EPHA2: variants seen among roughly 807,000 people sequenced by gnomAD.
The protein encoded by EPHA2 is ephrin type-A receptor 2.
Under a neutral mutation model 104.9 loss-of-function variants are expected in EPHA2, and 54 were observed. The ratio of observed to expected loss-of-function variants is 0.51; its 90% CI spans 0.41 to 0.65. EPHA2 has a LOEUF of 0.65. Ranked by LOEUF, EPHA2 falls within the 30% of genes least tolerant of loss-of-function variation. The pLI is 0.00. For synonymous variants in EPHA2, 560 were observed against 559.1 expected (o/e 1.00, Z -0.02); for missense variants, 1,117 against 1,369.5 (o/e 0.82, Z 2.91).
intron 8 of EPHA2, 21 bp from the exon 9 acceptor site, chr1:16,133,936 A>G: frequency 6.4e-7 from 1 of 1,550,570 alleles, no homozygotes; most frequent in Non-Finnish European, 8.7e-7. Flanking sequence ...CCCACGGGGA[A>G]CCAAATGCAG....
chr1:16,152,865 A>C (rs1276907041), intron 1 of EPHA2, among the ~76,000 whole-genome samples: 1 of 152,166 alleles, frequency 6.6e-6, no homozygotes, highest in African/African-American at 2.4e-5. Flanking sequence ...CCCCCCCTGC[A>C]GGGGTTTCCA....
chr1:16,149,818 T>C (rs1346646990), intron 2 of EPHA2, among the ~76,000 whole-genome samples: 2 of 152,052 alleles, frequency 1.3e-5, no homozygotes, highest in South Asian at 2.1e-4. Context: ...TCAGCCAGAG[T>C]CTGCATCTAA....
Position 16,125,328 on chromosome 1 carries a change from C to T in EPHA2, c.2826-8G>A, listed in dbSNP as rs1243829839. 1.5e-6 allele frequency: 2 copies of T among 1,353,718 alleles called. No individual in the cohort carries two copies. Among genetic ancestry groups the T allele is most frequent in the Non-Finnish European group, 9.8e-7 (1 of 1,016,642 alleles). 83.9% of individuals were successfully genotyped at this position (1,353,718 alleles called of 1,614,324 possible). A position where few individuals can be genotyped will look rare whatever the true frequency, so the allele number is the denominator to read the frequency against. On this transcript the variant is annotated splice_polypyrimidine_tract_variant and splice_region_variant and intron_variant, in intron 16 of 16. Coordinates refer to ENST00000358432, the MANE Select transcript of EPHA2 (RefSeq NM_004431.5). The surrounding 1 kb of genome is among the most constrained non-coding windows in gnomAD (Gnocchi z 4.9). ...CCAATCCTCTTGATGTCGCTGTGGGCCGGGAGGGAGAGAGGGAGAGTTAGG... is the reference window on the plus strand; with the variant it reads ...CCAATCCTCTTGATGTCGCTGTGGGTCGGGAGGGAGAGAGGGAGAGTTAGG...
chr1:16,154,778 A>AG (rs1199319576), intron 1 of EPHA2, among the ~76,000 whole-genome samples: 1 of 150,934 alleles, frequency 6.6e-6, no homozygotes. Context: ...AAAAAAAAAA[A>AG]AAGAAGGAAA....
chr1:16,142,372 T>C (rs11260758), intron 3 of EPHA2, among the ~76,000 whole-genome samples: 1 of 152,202 alleles, frequency 6.6e-6, no homozygotes, highest in Non-Finnish European at 1.5e-5. Flanking sequence ...TATTCCTGCA[T>C]GTATCAGGAG....
rs1228041328 is a variant in EPHA2 at position 16,155,838 on chromosome 1, G to A, written c.85+10C>T. The A allele has an allele frequency of 5.6e-6, 8 of 1,429,210 alleles. No homozygotes were observed. The highest frequency in any genetic ancestry group is 7.3e-6 in the Non-Finnish European group (8 of 1,095,604). 88.5% of individuals were successfully genotyped at this position (1,429,210 alleles called of 1,614,324 possible). ...CGGGGGCCAGGGGTCCAGACGCCGC[G>A]CGCACTCACCTTCCTTGCCCTGCGC... On this transcript the variant is annotated intron_variant, in intron 1 of 16. Transcript: ENST00000358432.
At position 16,133,624 on chromosome 1, in the gene EPHA2, G is replaced by A. The variant is rs1199532654; in HGVS notation, c.1739-18C>T. ...CAGTTGTTCTGGAAGGAGAAGGGGT[G>A]GGGTCACAGGCAGCTCAGGAGGGGC... is the stretch of plus-strand genomic sequence containing the variant. On this transcript the variant is annotated intron_variant, in intron 9 of 16. Transcript: ENST00000358432. 10 of 1,613,476 alleles carry A rather than the reference G, an allele frequency of 6.2e-6. No individual in the cohort carries two copies. The highest frequency in any genetic ancestry group is 8.5e-6 in the Non-Finnish European group (10 of 1,179,956).
Position 16,148,850 on chromosome 1 carries a change from C to T in EPHA2, c.351G>A (p.Glu117=), listed in dbSNP as rs1432909547. 1 of 1,614,178 alleles carries T rather than the reference C, an allele frequency of 6.2e-7. No homozygotes were observed. Among genetic ancestry groups the T allele is most frequent in the Admixed American group, 1.7e-5 (1 of 60,030 alleles). The change falls in exon 3 of 17, where the codon GAG becomes GAA. Residue 117 remains glutamate, a synonymous_variant. Coordinates refer to ENST00000358432, the MANE Select transcript of EPHA2 (RefSeq NM_004431.5). The surrounding 1 kb of genome is among the most constrained non-coding windows in gnomAD (Gnocchi z 4.9). ...ACTCGGCATAGTAGAGGTTGAAAGT[C>T]TCCTTGCAGGAGCTGGCGCCACCAG... The part of the protein sequence containing the change: ...SFPGGASSCK[E]TFNLYYAESD...
rs1309020202 is a variant in EPHA2, at chr1:16,138,003, G to C, written c.1162C>G (p.Pro388Ala). Residue 388 changes from proline to alanine, a missense_variant, in exon 5 of 17, where the codon CCT (proline) becomes GCT (alanine). Pro to Ala is a conservative substitution (Grantham distance 27). Around this residue, in one of 3 missense-constraint regions of EPHA2, gnomAD observed 664 missense variants for 784.8 expected, o/e 0.85. Coordinates refer to ENST00000358432, the MANE Select transcript of EPHA2 (RefSeq NM_004431.5). ...PCEASVRYSE[P>A]PHGLTRTSVT... Reference sequence around the variant, plus strand: ...CTGGTGCGGGTCAGTCCGTGAGGAGGCTCCGAGTAGCGCACACTGGCCTCA... The same window carrying C: ...CTGGTGCGGGTCAGTCCGTGAGGAGCCTCCGAGTAGCGCACACTGGCCTCA... The C allele has an allele frequency of 6.2e-7, 1 of 1,613,806 alleles. No individual in the cohort carries two copies. Among genetic ancestry groups the C allele is most frequent in the Non-Finnish European group, 8.5e-7 (1 of 1,180,016 alleles).
intron 10 of EPHA2, 41 bp downstream of exon 10, chr1:16,133,440 C>G (rs190333807): frequency 1.9e-6 from 3 of 1,613,902 alleles, no homozygotes; most frequent in Non-Finnish European, 2.5e-6. Flanking sequence ...GTGTCACCAC[C>G]GCTGCCTCCT....
At chr1:16,155,706 C>T (rs576602754) in intron 1 of EPHA2, 142 bp downstream of exon 1, 3 of 624,016 alleles carry the variant, frequency 4.8e-6, no homozygotes, top group African/African-American at 3.9e-5. Flanking sequence ...GCCTCGATCG[C>T]AGCCCGTGCG....
At position 16,150,730 on chromosome 1, in the gene EPHA2, G is replaced by A. The variant is rs1026849291; in HGVS notation, c.153+166C>T. Among the ~76,000 whole-genome samples, 7 of 152,150 alleles carry A rather than the reference G, an allele frequency of 4.6e-5. No homozygotes were observed. Among genetic ancestry groups the A allele is most frequent in the East Asian group, 1.9e-4 (1 of 5,188 alleles). Reference sequence around the variant, plus strand: ...CGCCCATCCAGCCCTGGCCTGGGCCGGCTGACTCTGAGCCTGGTGTGAGAA... The same window carrying A: ...CGCCCATCCAGCCCTGGCCTGGGCCAGCTGACTCTGAGCCTGGTGTGAGAA... On this transcript the variant is annotated intron_variant, in intron 2 of 16. Coordinates refer to ENST00000358432, the MANE Select transcript of EPHA2 (RefSeq NM_004431.5). The surrounding 1 kb of genome is among the most constrained non-coding windows in gnomAD (Gnocchi z 4.8).
chr1:16,152,338 T>C (rs1453950391), intron 1 of EPHA2, among the ~76,000 whole-genome samples: 1 of 152,166 alleles, frequency 6.6e-6, no homozygotes, highest in East Asian at 1.9e-4. Context: ...ATGGCCCTCC[T>C]ACCTGGGCTG....
intron 1 of EPHA2, among the ~76,000 whole-genome samples, chr1:16,154,562 T>C (rs1386981149): frequency 1.3e-5 from 2 of 151,796 alleles, no homozygotes; most frequent in African/African-American, 2.4e-5. Flanking sequence ...AGAATCAGCC[T>C]GGCCAACATG....
At position 16,128,550 on chromosome 1, in the gene EPHA2, CTGT is replaced by C. The variant is rs2024510723; in HGVS notation, c.2825+881_2825+883del. 6.6e-6 allele frequency among the ~76,000 whole-genome samples: 1 copy of C among 152,230 alleles called. No individual in the cohort carries two copies. The highest frequency in any genetic ancestry group is 2.4e-5 in the African/African-American group (1 of 41,462). On this transcript the variant is annotated intron_variant, in intron 16 of 16. Coordinates refer to ENST00000358432, the MANE Select transcript of EPHA2 (RefSeq NM_004431.5). This position sits in a 1 kb window ranked among gnomAD's most constrained non-coding sequence, Gnocchi z 4.7. ...TCCCAAAACCTCCCAGCCTCCCGGTCTGTTCCCGCCATGATCTTTGACCATGCA... is the reference window on the plus strand; with the variant it reads ...TCCCAAAACCTCCCAGCCTCCCGGTCTCCCGCCATGATCTTTGACCATGCA...
At chr1:16,152,146 C>T (rs1332243039) in intron 1 of EPHA2, among the ~76,000 whole-genome samples, 8 of 152,210 alleles carry the variant, frequency 5.3e-5, no homozygotes, top group Non-Finnish European at 8.8e-5. Context: ...CAAGTCAATG[C>T]TTCCTTTGGG....
At chr1:16,140,042 G>A (rs1274034335) in intron 3 of EPHA2, among the ~76,000 whole-genome samples, 1 of 152,236 alleles carries the variant, frequency 6.6e-6, no homozygotes, top group Non-Finnish European at 1.5e-5. Flanking sequence ...CTGGAGCGAA[G>A]ACTCTCGTCA....
chr1:16,138,047 G>A lies in EPHA2; in HGVS notation c.1118C>T (p.Ser373Phe), dbSNP rs758978165. ...SVTCEQCWPE[S>F]GECGPCEASV... ...GGCCTCACACGGCCCGCATTCCCCA[G>A]ACTCGGGCCAGCACTGTTCGCAGGT... Residue 373 changes from serine (S) to phenylalanine (F), a missense_variant, in exon 5 of 17, where the codon TCT (serine) becomes TTT (phenylalanine). Physicochemically the swap from Ser to Phe is radical, Grantham distance 155 (BLOSUM62 -2). Coordinates refer to ENST00000358432, the MANE Select transcript of EPHA2 (RefSeq NM_004431.5). 3.8e-5 allele frequency: 62 copies of A among 1,613,196 alleles called. No homozygotes were observed. Among genetic ancestry groups the A allele is most frequent in the Non-Finnish European group, 5.3e-5 (62 of 1,179,960 alleles).
In EPHA2 at chr1:16,128,213, G is replaced by A. The variant is rs1159515874; in HGVS notation, c.2825+1221C>T. ...CAAGGTCACCCGCTAGGAAGTGGCA[G>A]ATGCGGGACTTGAACCCAGGTATGT... On this transcript the variant is annotated intron_variant, in intron 16 of 16. Transcript: ENST00000358432. This position sits in a 1 kb window ranked among gnomAD's most constrained non-coding sequence, Gnocchi z 4.7. 6.6e-6 allele frequency among the ~76,000 whole-genome samples: 1 copy of A among 152,228 alleles called. No individual in the cohort carries two copies. The highest frequency in any genetic ancestry group is 1.5e-5 in the Non-Finnish European group (1 of 68,044).
Sources: allele counts gnomAD v4.1 joint callset (sites outside exome capture counted in the v4.1 genomes callset), GRCh38; gene constraint gnomAD v4.1.1; regional missense constraint gnomAD v4.1.1; non-coding constraint Gnocchi (gnomAD v3.1); transcripts MANE v1.5; gene names NCBI Gene and HGNC (gene_info 2026-07-23, HGNC 2026-07-21).